The following IL20RA variants were observed in gnomAD, a reference collection of about 807,000 sequenced individuals.
IL20RA encodes the protein interleukin-20 receptor subunit alpha.
In IL20RA, 29 loss-of-function variants were observed where a neutral mutation model predicts 36.5. That is an observed-to-expected ratio of 0.79 (90% CI 0.59 to 1.08). IL20RA has a LOEUF of 1.08. Ranked by LOEUF, IL20RA falls within the 50% of genes least tolerant of loss-of-function variation. The pLI, the probability that IL20RA is intolerant of heterozygous loss-of-function variation, is 0.00. For synonymous variants in IL20RA, 279 were observed against 267.1 expected (o/e 1.04, Z -0.43); for missense variants, 652 against 668.4 (o/e 0.98, Z 0.27).
At chr6:137,009,794 C>CG (rs1775417208) in intron 3 of IL20RA, among the ~76,000 whole-genome samples, 1 of 151,800 alleles carries the variant, frequency 6.6e-6, no homozygotes, top group Non-Finnish European at 1.5e-5. Flanking sequence ...TTAGTAGAGA[C>CG]GGGGTTTCAT....
rs145789822 is a variant in IL20RA, at chr6:137,001,909, C to A, written c.1311G>T (p.Ala437=). ...ACGTTTGCGGGCCCAAGACTGCCAA[C>A]GCTGCCTGCGACTCCAATAATGTTC... The part of the protein sequence containing the change: ...TQGTLLESQA[A]LAVLGPQTLQ... Residue 437 remains alanine (A), a synonymous_variant, in exon 7 of 7, where the codon GCG becomes GCT. Coordinates refer to ENST00000316649, the MANE Select transcript of IL20RA (RefSeq NM_014432.4). The A allele has an allele frequency of 6.2e-7, 1 of 1,613,812 alleles. No individual in the cohort carries two copies. The highest frequency in any genetic ancestry group is 1.3e-5 in the African/African-American group (1 of 74,894).
Position 137,009,326 on chromosome 6 carries a change from T to C in IL20RA, c.570A>G (p.Ser190=). 1.2e-6 allele frequency: 2 copies of C among 1,613,064 alleles called. No homozygotes were observed. Among genetic ancestry groups the C allele is most frequent in the Non-Finnish European group, 1.7e-6 (2 of 1,179,082 alleles). Residue 190 remains serine, a synonymous_variant, in exon 4 of 7, where the codon TCA becomes TCG. Coordinates refer to ENST00000316649, the MANE Select transcript of IL20RA (RefSeq NM_014432.4). ...TCCATTTCAGGCTTACCGTTCTGTT[T>C]GATTTAGTATTCAACACAGACACGT... is the stretch of plus-strand genomic sequence containing the variant. ...KYNVSVLNTK[S]NRTWSQCVTN...
Position 137,016,981 on chromosome 6 carries a change from C to A in IL20RA, c.211G>T (p.Val71Leu). 1 of 1,613,402 alleles carries A rather than the reference C, an allele frequency of 6.2e-7. No homozygotes were observed. The highest frequency in any genetic ancestry group is 8.5e-7 in the Non-Finnish European group (1 of 1,179,512). The change falls in exon 2 of 7, where the codon GTG (valine) becomes TTG (leucine). Residue 71 changes from valine (V) to leucine (L), a missense_variant. Physicochemically the swap from Val to Leu is conservative, Grantham distance 32. Transcript: ENST00000316649. ...GLQGVKVTYT[V>L]QYFIYGQKKW... ...GAAGAAACTTACATGAAATACTGCA[C>A]AGTGTAAGTAACTTTAACTCCTTGA...
At chr6:137,006,131 T>C (rs1775269314) in intron 5 of IL20RA, among the ~76,000 whole-genome samples, 1 of 152,136 alleles carries the variant, frequency 6.6e-6, no homozygotes, top group East Asian at 1.9e-4. Context: ...TCCAGGAGAA[T>C]GTTGGATGCT....
intron 1 of IL20RA, among the ~76,000 whole-genome samples, chr6:137,031,387 C>T (rs180796812): frequency 4.6e-5 from 7 of 152,282 alleles, no homozygotes; most frequent in East Asian, 1.9e-4. Context: ...AATAATGTCA[C>T]GTGCTGCAAA....
intron 1 of IL20RA, among the ~76,000 whole-genome samples, chr6:137,035,995 G>C (rs1562242730): frequency 6.6e-6 from 1 of 152,162 alleles, no homozygotes; most frequent in Non-Finnish European, 1.5e-5. Flanking sequence ...CAAGACGGGA[G>C]GCAGAGGTCT....
chr6:137,032,537 C>A (rs1291190513), intron 1 of IL20RA, among the ~76,000 whole-genome samples: 1 of 152,180 alleles, frequency 6.6e-6, no homozygotes, highest in Non-Finnish European at 1.5e-5. Flanking sequence ...GCCCTGAGAT[C>A]CTGGCTCCAA....
intron 1 of IL20RA, among the ~76,000 whole-genome samples, chr6:137,033,555 G>T (rs545311583): frequency 1.3e-5 from 2 of 152,282 alleles, no homozygotes; most frequent in South Asian, 4.1e-4. Context: ...GTTGTTTAAA[G>T]TGTGTAGCAC....
At chr6:137,014,383 C>T (rs959817871) in intron 2 of IL20RA, among the ~76,000 whole-genome samples, 4 of 152,046 alleles carry the variant, frequency 2.6e-5, no homozygotes, top group African/African-American at 9.7e-5. Context: ...CATTGTGCTT[C>T]TGTATAAACA....
rs1051976476 is a variant in IL20RA, at chr6:137,002,121, T to G, written c.1099A>C (p.Met367Leu). ...VKHLGYASHL[M>L]EIFCDSEENT... ...TCTTCAGAGTCACAAAAAATTTCCA[T>G]CAAATGCGAAGCATACCCTAAATGT... The change falls in exon 7 of 7, where the codon ATG (methionine) becomes CTG (leucine). Residue 367 changes from methionine to leucine, a missense_variant. By Grantham distance (15) the Met-to-Leu change is conservative. Coordinates refer to ENST00000316649, the MANE Select transcript of IL20RA (RefSeq NM_014432.4). The G allele has an allele frequency of 1.2e-6, 2 of 1,614,146 alleles. No individual in the cohort carries two copies. The highest frequency in any genetic ancestry group is 1.7e-6 in the Non-Finnish European group (2 of 1,180,016).
At position 137,001,452 on chromosome 6, in the gene IL20RA, G is replaced by T. The variant is rs1767995607; in HGVS notation, c.*106C>A. The T allele has an allele frequency of 2.0e-6, 2 of 993,204 alleles. No individual in the cohort carries two copies. The highest frequency in any genetic ancestry group is 2.5e-5 in the Admixed American group (1 of 40,622). 61.5% of individuals were successfully genotyped at this position (993,204 alleles called of 1,614,324 possible). A position where few individuals can be genotyped will look rare whatever the true frequency, so the allele number is the denominator to read the frequency against. ...GAAATAAGTAATTCTCACAGACACT[G>T]ACAAACTGGAAAAAACTTCTTTCAT... On this transcript the variant is annotated 3_prime_UTR_variant, in exon 7 of 7. Coordinates refer to ENST00000316649, the MANE Select transcript of IL20RA (RefSeq NM_014432.4).
intron 4 of IL20RA, chr6:137,009,014 C>G (rs1775376128): frequency 1.8e-6 from 1 of 558,848 alleles, no homozygotes; most frequent in Non-Finnish European, 3.1e-6. Flanking sequence ...GGTCCTTGCT[C>G]ACATTTTTTT....
intron 1 of IL20RA, among the ~76,000 whole-genome samples, chr6:137,032,328 C>T (rs1776325739): frequency 6.6e-6 from 1 of 152,128 alleles, no homozygotes; most frequent in Non-Finnish European, 1.5e-5. Flanking sequence ...GGGTGGAGGG[C>T]ACAAGGCAGG....
intron 1 of IL20RA, among the ~76,000 whole-genome samples, chr6:137,024,839 C>T (rs1392367584): frequency 6.6e-6 from 1 of 152,096 alleles, no homozygotes; most frequent in Non-Finnish European, 1.5e-5. Flanking sequence ...GTGAGCAATC[C>T]TGACCACAGA....
At chr6:137,012,411 A>G (rs770288907) in intron 2 of IL20RA, among the ~76,000 whole-genome samples, 11 of 152,194 alleles carry the variant, frequency 7.2e-5, no homozygotes, top group Non-Finnish European at 1.3e-4. Context: ...TTTACTACGA[A>G]AAAGAGCACT....
At chr6:137,002,600 G>C (rs889890776) in intron 6 of IL20RA, among the ~76,000 whole-genome samples, 1 of 152,188 alleles carries the variant, frequency 6.6e-6, no homozygotes, top group African/African-American at 2.4e-5. Context: ...CCAGTCCAGG[G>C]CTGGGGCTGG....
Position 137,012,595 on chromosome 6 carries a change from T to C in IL20RA, c.225-1143A>G, listed in dbSNP as rs528631858. Among the ~76,000 whole-genome samples the C allele has an allele frequency of 2.9e-4, 44 of 152,260 alleles. 1 individual carries two copies. In the South Asian group the frequency reaches 8.7e-3, roughly 30 times the overall value. ...TGGGAGGTAGGGATTTTGGAGTCAATGTCATCAAACTGCTCATTGATGGCA... is the reference window on the plus strand; with the variant it reads ...TGGGAGGTAGGGATTTTGGAGTCAACGTCATCAAACTGCTCATTGATGGCA... On this transcript the variant is annotated intron_variant, in intron 2 of 6. Transcript: ENST00000316649.
intron 3 of IL20RA, 89 bp downstream of exon 3, chr6:137,011,185 C>T: frequency 9.0e-7 from 1 of 1,109,256 alleles, no homozygotes; most frequent in Non-Finnish European, 1.3e-6. Flanking sequence ...GAGTACCTTC[C>T]TCTGGGCAAG....
At chr6:137,021,166 A>T (rs534063519) in intron 1 of IL20RA, among the ~76,000 whole-genome samples, 13 of 152,148 alleles carry the variant, frequency 8.5e-5, no homozygotes, top group African/African-American at 2.9e-4. Flanking sequence ...GATGCTTATA[A>T]ATTGCTGTGG....
Sources: allele counts gnomAD v4.1 joint callset (sites outside exome capture counted in the v4.1 genomes callset), GRCh38; gene constraint gnomAD v4.1.1; transcripts MANE v1.5; gene names NCBI Gene and HGNC (gene_info 2026-07-23, HGNC 2026-07-21).